Variants in MAP2 observed in about 807,000 individuals in gnomAD.
MAP2 encodes microtubule-associated protein 2.
A neutral mutation model predicts 137.6 loss-of-function variants in MAP2; 14 were observed. The ratio of observed to expected loss-of-function variants is 0.10; its 90% CI spans 0.07 to 0.16. The LOEUF (loss-of-function observed/expected upper bound fraction) is 0.16, where lower values mean the gene tolerates loss of function less well. Among genes scored for constraint, MAP2 ranks in the 10% least tolerant of loss-of-function variants. MAP2 has a pLI of 1.00. For missense variants in MAP2, 2,088 were observed against 2,191.5 expected (o/e 0.95, Z 0.94); for synonymous variants, 786 against 782.3 (o/e 1.00, Z -0.08).
intron 15 of MAP2, 53 bp from the exon 16 acceptor site, chr2:209,730,129 A>G (rs1159976114): frequency 1.4e-6 from 2 of 1,426,794 alleles, no homozygotes; most frequent in Non-Finnish European, 9.8e-7. Flanking sequence ...AGAAAGAGGT[A>G]GGGGCCAGTT....
intron 2 of MAP2, among the ~76,000 whole-genome samples, chr2:209,517,173 A>G (rs1168644552): frequency 2.0e-5 from 3 of 151,966 alleles, no homozygotes; most frequent in Non-Finnish European, 4.4e-5. Flanking sequence ...TTCCTCTTTC[A>G]CTGTAGGGAC....
intron 7 of MAP2, chr2:209,690,657 C>G: frequency 7.8e-7 from 1 of 1,289,650 alleles, no homozygotes; most frequent in African/African-American, 1.5e-5. Context: ...GCTGCTCTTC[C>G]TGAGAAAGAG....
intron 2 of MAP2, among the ~76,000 whole-genome samples, chr2:209,511,039 T>C (rs1397942580): frequency 2.0e-5 from 3 of 152,040 alleles, no homozygotes; most frequent in Admixed American, 6.6e-5. Flanking sequence ...CTGGAAGTGT[T>C]TGGAATGCTG....
At chr2:209,497,169 C>A (rs2219085) in intron 1 of MAP2, among the ~76,000 whole-genome samples, 124,291 of 152,096 alleles carry the variant, frequency 0.82, 51,922 homozygotes, top group Non-Finnish European at 0.92. Context: ...TCTAAGTGCC[C>A]GTGTGACTGT....
chr2:209,451,001 T>G (rs1700179169), intron 1 of MAP2, among the ~76,000 whole-genome samples: 1 of 152,108 alleles, frequency 6.6e-6, no homozygotes, highest in Non-Finnish European at 1.5e-5. Flanking sequence ...CATTAGCAAG[T>G]TTGAGTTTTG....
chr2:209,672,486 A>C (rs2049266906), intron 5 of MAP2, among the ~76,000 whole-genome samples: 1 of 151,878 alleles, frequency 6.6e-6, no homozygotes, highest in Non-Finnish European at 1.5e-5. Context: ...CAACACACCA[A>C]AAGATGAATA....
chr2:209,716,643 C>T (rs961846540), intron 13 of MAP2, among the ~76,000 whole-genome samples: 1 of 152,094 alleles, frequency 6.6e-6, no homozygotes, highest in Admixed American at 6.5e-5. Flanking sequence ...GATTGGACAC[C>T]CTGATCTAAA....
rs2054139014 is a variant in MAP2, at chr2:209,680,599, G to A, written c.377-151G>A. On this transcript the variant is annotated intron_variant, in intron 6 of 15. Transcript: ENST00000682079. ...TTCAAAAATGCATGAATCAGGTAATGGGCCTATAAATAAACCAAATGCGGC... is the reference window on the plus strand; with the variant it reads ...TTCAAAAATGCATGAATCAGGTAATAGGCCTATAAATAAACCAAATGCGGC... The A allele has an allele frequency of 1.6e-5, 10 of 635,448 alleles. No homozygotes were observed. The South Asian group carries it at 2.1e-4, about 13-fold the overall frequency. 39.4% of individuals were successfully genotyped at this position (635,448 alleles called of 1,614,324 possible).
In MAP2 at chr2:209,700,352, G is replaced by GTTTT. The variant is rs1559610974; in HGVS notation, c.4584+16_4584+19dup. ...GACAAAGTCTCTGTGAGTAAAATAAGTTTTTCCTTGTTCTTCATTTGAAGT... is the reference window on the plus strand; with the variant it reads ...GACAAAGTCTCTGTGAGTAAAATAAGTTTTTTTTTCCTTGTTCTTCATTTGAAGT... On this transcript the variant is annotated intron_variant, in intron 11 of 15. Transcript: ENST00000682079. 6.3e-7 allele frequency: 1 copy of GTTTT among 1,599,236 alleles called. No individual in the cohort carries two copies. The highest frequency in any genetic ancestry group is 8.5e-7 in the Non-Finnish European group (1 of 1,169,858).
chr2:209,528,517 A>G (rs191651579), intron 2 of MAP2, among the ~76,000 whole-genome samples: 4 of 152,126 alleles, frequency 2.6e-5, no homozygotes, highest in East Asian at 3.9e-4. Flanking sequence ...TTATGGGAAA[A>G]TATTTCAGTT....
intron 1 of MAP2, among the ~76,000 whole-genome samples, chr2:209,497,324 C>T (rs147863795): frequency 7.0e-4 from 107 of 152,240 alleles, no homozygotes; most frequent in African/African-American, 2.4e-3. Context: ...TTTCTTTCTC[C>T]GCCATGTGAG....
intron 1 of MAP2, among the ~76,000 whole-genome samples, chr2:209,484,778 T>G (rs751101951): frequency 3.8e-4 from 58 of 152,350 alleles, no homozygotes; most frequent in Non-Finnish European, 2.4e-4. Context: ...TATTTTGTGC[T>G]TTTATTCTGC....
At chr2:209,525,597 C>T (rs1334126820) in intron 2 of MAP2, among the ~76,000 whole-genome samples, 1 of 152,034 alleles carries the variant, frequency 6.6e-6, no homozygotes, top group African/African-American at 2.4e-5. Context: ...GATAATTCTG[C>T]CTCTGGAAAA....
chr2:209,554,918 A>G (rs1180884765), intron 2 of MAP2, among the ~76,000 whole-genome samples: 2 of 147,850 alleles, frequency 1.4e-5, no homozygotes, highest in South Asian at 4.2e-4. Context: ...ATATATACAC[A>G]TTTTATGTAT....
At chr2:209,615,784 C>T (rs574562661) in intron 3 of MAP2, among the ~76,000 whole-genome samples, 32 of 152,150 alleles carry the variant, frequency 2.1e-4, no homozygotes, top group African/African-American at 5.1e-4. Context: ...CTGTTTAGTG[C>T]GCTTTCCTCT....
intron 2 of MAP2, among the ~76,000 whole-genome samples, chr2:209,531,991 C>A (rs956755038): frequency 2.6e-5 from 4 of 152,016 alleles, no homozygotes; most frequent in African/African-American, 9.7e-5. Context: ...GAAATCCCAG[C>A]ACTCTGGGAG....
At chr2:209,530,942 T>C (rs902455493) in intron 2 of MAP2, among the ~76,000 whole-genome samples, 1 of 152,224 alleles carries the variant, frequency 6.6e-6, no homozygotes, top group African/African-American at 2.4e-5. Context: ...ATTTGTTTCA[T>C]TCATCTTTAG....
intron 4 of MAP2, among the ~76,000 whole-genome samples, chr2:209,637,151 G>A (rs2093636288): frequency 6.6e-6 from 1 of 152,062 alleles, no homozygotes; most frequent in African/African-American, 2.4e-5. Context: ...GAAAGAAAAG[G>A]AGCAGTTCTG....
intron 1 of MAP2, among the ~76,000 whole-genome samples, chr2:209,482,658 A>T (rs1250668713): frequency 6.6e-6 from 1 of 152,204 alleles, no homozygotes; most frequent in East Asian, 1.9e-4. Context: ...AACTCTGGGA[A>T]ATTATTACCC....
Sources: allele counts gnomAD v4.1 joint callset (sites outside exome capture counted in the v4.1 genomes callset), GRCh38; gene constraint gnomAD v4.1.1; transcripts MANE v1.5; gene names NCBI Gene and HGNC (gene_info 2026-07-23, HGNC 2026-07-21).